The following FLRT2 variants were observed in gnomAD, a reference collection of about 807,000 sequenced individuals.
FLRT2 encodes leucine-rich repeat transmembrane protein FLRT2.
In FLRT2, 15 loss-of-function variants were observed where a neutral mutation model predicts 40.0. That is an observed-to-expected ratio of 0.38 (90% CI 0.25 to 0.58). FLRT2 has a LOEUF of 0.58. FLRT2 is among the 20% of genes least tolerant of loss of function. FLRT2 has a pLI of 0.71. For synonymous variants in FLRT2, 380 were observed against 336.8 expected (o/e 1.13, Z -1.41); for missense variants, 726 against 840.0 (o/e 0.86, Z 1.68).
chr14:85,535,901 T>G (rs969440327), intron 1 of FLRT2, among the ~76,000 whole-genome samples: 10 of 70,628 alleles, frequency 1.4e-4, no homozygotes, highest in South Asian at 5.3e-4. Context: ...TGTTTTTTTT[T>G]TTTTTTTTTT....
chr14:85,557,211 T>C (rs1327995092), intron 1 of FLRT2, among the ~76,000 whole-genome samples: 1 of 151,958 alleles, frequency 6.6e-6, no homozygotes, highest in East Asian at 1.9e-4. Context: ...AGAGACCCTC[T>C]TACTAAGGTA....
intron 1 of FLRT2, among the ~76,000 whole-genome samples, chr14:85,603,432 C>G (rs1388101175): frequency 2.0e-5 from 3 of 152,166 alleles, no homozygotes; most frequent in Admixed American, 2.0e-4. Flanking sequence ...TAAAGAATAG[C>G]TGTGTCTGAC....
At position 85,626,831 on chromosome 14, in the gene FLRT2, C is replaced by A; in HGVS notation, c.*3334C>A. The A allele has an allele frequency of 6.0e-6, 1 of 167,212 alleles. No individual in the cohort carries two copies. The allele number at this position is 167,212 out of a possible 1,614,324, so 10.4% of individuals were successfully genotyped here. On this transcript the variant is annotated 3_prime_UTR_variant, in exon 2 of 2. Coordinates refer to ENST00000330753, the MANE Select transcript of FLRT2 (RefSeq NM_013231.6). The stretch of plus-strand genomic sequence containing the variant: ...TAAAAACAAAAAGTACGTGACCAGT[C>A]TGGTAAGAAGTATTAATGAAGTAGC...
At position 85,598,794 on chromosome 14, in the gene FLRT2, A is replaced by G. The variant is rs542292164; in HGVS notation, c.-376-22345A>G. Among the ~76,000 whole-genome samples the G allele has an allele frequency of 1.4e-3, 218 of 152,224 alleles. 1 individual carries two copies. The highest frequency in any genetic ancestry group is 2.1e-3 in the Non-Finnish European group (146 of 68,022). On this transcript the variant is annotated intron_variant, in intron 1 of 1. Transcript: ENST00000330753. ...CAAAGATGTAGGTCTTCGGAATTCAATTTACCTCCTTCTCCTATTCAGACA... is the reference window on the plus strand; with the variant it reads ...CAAAGATGTAGGTCTTCGGAATTCAGTTTACCTCCTTCTCCTATTCAGACA...
rs939206339 is a variant in FLRT2 at position 85,632,965 on chromosome 14, A to G, written c.*9468A>G. On this transcript the variant is annotated 3_prime_UTR_variant, in exon 2 of 2. Transcript: ENST00000330753. The stretch of plus-strand genomic sequence containing the variant: ...TGTCAGAATTAAAGGCATATATAGT[A>G]GTTGACAGAGTATCTGGTACTGAGT... 6.6e-6 allele frequency: 1 copy of G among 152,214 alleles called. No homozygotes were observed. The highest frequency in any genetic ancestry group is 2.4e-5 in the African/African-American group (1 of 41,432). 9.4% of individuals were successfully genotyped at this position (152,214 alleles called of 1,614,324 possible). A position where few individuals can be genotyped will look rare whatever the true frequency, so the allele number is the denominator to read the frequency against.
intron 1 of FLRT2, among the ~76,000 whole-genome samples, chr14:85,578,643 C>T (rs995237938): frequency 6.6e-6 from 1 of 152,054 alleles, no homozygotes; most frequent in Admixed American, 6.6e-5. Context: ...TGGGGAGATA[C>T]GGGTTGAGTG....
intron 1 of FLRT2, among the ~76,000 whole-genome samples, chr14:85,603,950 G>A (rs1211048292): frequency 2.0e-5 from 3 of 152,168 alleles, no homozygotes; most frequent in Non-Finnish European, 2.9e-5. Flanking sequence ...ACTTTTCCTT[G>A]TGTCTTGAGA....
chr14:85,540,197 T>A (rs565664310), intron 1 of FLRT2, among the ~76,000 whole-genome samples: 2 of 152,286 alleles, frequency 1.3e-5, no homozygotes, highest in East Asian at 3.9e-4. Flanking sequence ...TTTTTTAAAA[T>A]TTTGTTTTGC....
chr14:85,563,168 C>T (rs80061630), intron 1 of FLRT2: 1 of 152,064 alleles, frequency 6.6e-6, no homozygotes, highest in Non-Finnish European at 1.5e-5. Context: ...GCATTGCTGC[C>T]TGGCAATTAC....
In FLRT2 at chr14:85,534,871, G is replaced by A. The variant is rs72691282; in HGVS notation, c.-377+4337G>A. On this transcript the variant is annotated intron_variant, in intron 1 of 1. Transcript: ENST00000330753. The stretch of plus-strand genomic sequence containing the variant: ...CCCCTTTCCCCCAACTGAGTTTTTA[G>A]TTTCAAAGCAGCTCAGCGTTTGCTG... Among the ~76,000 whole-genome samples, 516 of 125,302 alleles carry A rather than the reference G, an allele frequency of 4.1e-3. 2 individuals are homozygous for A. Among genetic ancestry groups the A allele is most frequent in the Non-Finnish European group, 6.6e-3 (408 of 61,968 alleles). 82.2% of individuals were successfully genotyped at this position (125,302 alleles called of 152,430 possible). A position where few individuals can be genotyped will look rare whatever the true frequency, so the allele number is the denominator to read the frequency against.
In FLRT2 at chr14:85,653,651, C is replaced by A. The variant is rs1173419154; in HGVS notation, c.*30154C>A. ...TCACCAAAGCCACCTTGGAGAGAGCCCACACGGAGACTGGAGATGTAGACT... is the reference window on the plus strand; with the variant it reads ...TCACCAAAGCCACCTTGGAGAGAGCACACACGGAGACTGGAGATGTAGACT... On this transcript the variant is annotated 3_prime_UTR_variant, in exon 2 of 2. Transcript: ENST00000330753. 1 of 152,112 alleles carries A rather than the reference C, an allele frequency of 6.6e-6. No individual in the cohort carries two copies. The highest frequency in any genetic ancestry group is 1.5e-5 in the Non-Finnish European group (1 of 68,040). 9.4% of individuals were successfully genotyped at this position (152,112 alleles called of 1,614,324 possible).
Position 85,645,302 on chromosome 14 carries a change from A to G in FLRT2, c.*21805A>G, listed in dbSNP as rs1359858166. 4 of 151,690 alleles carry G rather than the reference A, an allele frequency of 2.6e-5. No individual in the cohort carries two copies. The highest frequency in any genetic ancestry group is 2.6e-4 in the Admixed American group (4 of 15,180). 9.4% of individuals were successfully genotyped at this position (151,690 alleles called of 1,614,324 possible). A position where few individuals can be genotyped will look rare whatever the true frequency, so the allele number is the denominator to read the frequency against. The stretch of plus-strand genomic sequence containing the variant: ...TATGTATATACATATATGTATATAG[A>G]AGTATATATACACATATAAATGTGT... On this transcript the variant is annotated 3_prime_UTR_variant, in exon 2 of 2. Transcript: ENST00000330753.
intron 1 of FLRT2, among the ~76,000 whole-genome samples, chr14:85,602,118 A>G (rs1037322639): frequency 1.6e-4 from 25 of 152,242 alleles, no homozygotes; most frequent in African/African-American, 6.0e-4. Context: ...TTAGATATAT[A>G]GTGACTTATA....
intron 1 of FLRT2, among the ~76,000 whole-genome samples, chr14:85,600,456 T>G (rs774367601): frequency 4.6e-5 from 7 of 152,172 alleles, no homozygotes; most frequent in Non-Finnish European, 1.0e-4. Flanking sequence ...CTATGAGGAC[T>G]GCCCACGTTT....
chr14:85,596,014 G>A (rs1892123785), intron 1 of FLRT2, among the ~76,000 whole-genome samples: 1 of 152,174 alleles, frequency 6.6e-6, no homozygotes, highest in Non-Finnish European at 1.5e-5. Flanking sequence ...AATTGGGATT[G>A]GACTGGTTTT....
intron 1 of FLRT2, among the ~76,000 whole-genome samples, chr14:85,547,689 C>T (rs1219030657): frequency 6.6e-6 from 1 of 152,152 alleles, no homozygotes; most frequent in Non-Finnish European, 1.5e-5. Context: ...AGACAGGTCT[C>T]AAGTAATTTA....
intron 1 of FLRT2, among the ~76,000 whole-genome samples, chr14:85,602,503 T>G (rs1291708369): frequency 6.6e-6 from 1 of 152,212 alleles, no homozygotes; most frequent in African/African-American, 2.4e-5. Flanking sequence ...TGTGCTCTCT[T>G]TGTCTTCCTC....
chr14:85,590,293 G>A (rs1471041500), intron 1 of FLRT2, among the ~76,000 whole-genome samples: 1 of 152,056 alleles, frequency 6.6e-6, no homozygotes, highest in Non-Finnish European at 1.5e-5. Context: ...GTGTGACAGA[G>A]CCTGGGAATG....
At chr14:85,534,621 G>A (rs1183226550) in intron 1 of FLRT2, among the ~76,000 whole-genome samples, 2 of 151,738 alleles carry the variant, frequency 1.3e-5, no homozygotes, top group Admixed American at 1.3e-4. Flanking sequence ...GTGTGTGTGC[G>A]TGTGTTTGGG....
Sources: gnomAD v4.1 joint callset for allele counts (sites outside exome capture counted in the v4.1 genomes callset) on GRCh38, gnomAD v4.1.1 for gene constraint, MANE v1.5 for transcripts, NCBI Gene and HGNC (gene_info 2026-07-23, HGNC 2026-07-21) for gene names.